The following STK39 variants were observed in gnomAD, a reference collection of about 807,000 sequenced individuals.
The protein encoded by STK39 is serine/threonine kinase 39, also known as STE20/SPS1-related proline-alanine-rich protein kinase.
A neutral mutation model predicts 77.8 loss-of-function variants in STK39; 20 were observed. The ratio of observed to expected loss-of-function variants is 0.26; its 90% CI spans 0.18 to 0.37. STK39 has a LOEUF of 0.37. STK39 is among the 10% of genes least tolerant of loss of function. The pLI is 1.00. For missense variants in STK39, 479 were observed against 656.5 expected (o/e 0.73, Z 2.95); for synonymous variants, 246 against 234.1 (o/e 1.05, Z -0.47).
intron 1 of STK39, among the ~76,000 whole-genome samples, chr2:168,207,630 CA>C (rs1394848467): frequency 6.6e-6 from 1 of 151,794 alleles, no homozygotes; most frequent in Non-Finnish European, 1.5e-5. Context: ...TGGTGAAATA[CA>C]AAAAAAATTT....
intron 16 of STK39, among the ~76,000 whole-genome samples, chr2:168,007,494 G>C (rs1684160790): frequency 6.6e-6 from 1 of 152,106 alleles, no homozygotes; most frequent in African/African-American, 2.4e-5. Context: ...TGCTCAAGGG[G>C]AAGTCCTATA....
At chr2:168,052,080 G>A (rs1298460597) in intron 14 of STK39, among the ~76,000 whole-genome samples, 6 of 151,686 alleles carry the variant, frequency 4.0e-5, no homozygotes, top group African/African-American at 9.7e-5. Flanking sequence ...AAATGTGAAC[G>A]ATGAGAGTTT....
intron 1 of STK39, among the ~76,000 whole-genome samples, chr2:168,217,438 GAAAAATC>G (rs1690053327): frequency 6.6e-6 from 1 of 151,936 alleles, no homozygotes. Flanking sequence ...TATAGATCTG[GAAAAATC>G]AAAGAATCAT....
At chr2:168,143,610 A>G (rs534953474) in intron 5 of STK39, among the ~76,000 whole-genome samples, 1 of 152,126 alleles carries the variant, frequency 6.6e-6, no homozygotes, top group South Asian at 2.1e-4. Flanking sequence ...GCAACTCTGG[A>G]GGCTGAGGCG....
chr2:168,191,509 T>A (rs1689339556), intron 1 of STK39, among the ~76,000 whole-genome samples: 1 of 152,162 alleles, frequency 6.6e-6, no homozygotes, highest in South Asian at 2.1e-4. Flanking sequence ...AGGAAGAGGA[T>A]AACTACACAT....
At chr2:168,138,043 A>G in intron 8 of STK39, 45 bp downstream of exon 8, 1 of 1,584,760 alleles carries the variant, frequency 6.3e-7, no homozygotes, top group East Asian at 2.3e-5. Context: ...AAGCTTTGTC[A>G]TGGCTCAAAC....
intron 1 of STK39, among the ~76,000 whole-genome samples, chr2:168,184,363 T>G (rs952210153): frequency 6.6e-6 from 1 of 152,212 alleles, no homozygotes; most frequent in Non-Finnish European, 1.5e-5. Context: ...TAGACAGAAT[T>G]ATGAAGCTTT....
chr2:168,138,271 C>A (rs769772862), intron 7 of STK39, 50 bp from the exon 8 acceptor site: 5 of 1,565,828 alleles, frequency 3.2e-6, no homozygotes, highest in Non-Finnish European at 4.3e-6. Flanking sequence ...GCAATTGCTA[C>A]AATCTAGTTT....
intron 2 of STK39, among the ~76,000 whole-genome samples, chr2:168,174,832 TAAAA>T (rs397869438): frequency 8.9e-6 from 1 of 112,692 alleles, no homozygotes; most frequent in Non-Finnish European, 1.9e-5. Context: ...CTTCATCTCT[TAAAA>T]AAAAAAAAAA....
intron 15 of STK39, among the ~76,000 whole-genome samples, chr2:168,016,387 C>CAAAAAAAAAAAAAA (rs869084308): frequency 2.0e-4 from 13 of 65,686 alleles, no homozygotes; most frequent in African/African-American, 6.7e-4. Flanking sequence ...GGCCTTTGTT[C>CAAAAAAAAAAAAAA]AAAAAAAAAA....
intron 15 of STK39, 25 bp from the exon 16 acceptor site, chr2:168,012,727 T>C: frequency 6.3e-7 from 1 of 1,595,346 alleles, no homozygotes; most frequent in Non-Finnish European, 8.6e-7. Flanking sequence ...AATGAATATG[T>C]ATTAGTAACC....
intron 1 of STK39, among the ~76,000 whole-genome samples, chr2:168,228,357 A>T (rs1690361022): frequency 1.3e-5 from 2 of 152,172 alleles, no homozygotes; most frequent in Admixed American, 6.5e-5. Flanking sequence ...GTTCTATGCC[A>T]TGTAAATATA....
chr2:168,155,182 G>A (rs1014747274), intron 5 of STK39, among the ~76,000 whole-genome samples: 22 of 152,136 alleles, frequency 1.4e-4, no homozygotes, highest in African/African-American at 5.3e-4. Flanking sequence ...GTAGAGCAAA[G>A]TGGTTCTCCT....
intron 16 of STK39, among the ~76,000 whole-genome samples, chr2:167,970,234 A>G (rs1692293727): frequency 6.6e-6 from 1 of 152,172 alleles, no homozygotes; most frequent in Non-Finnish European, 1.5e-5. Flanking sequence ...ATATATTTAT[A>G]CATTATTTCT....
At chr2:168,101,001 T>C (rs1326091785) in intron 10 of STK39, among the ~76,000 whole-genome samples, 3 of 152,180 alleles carry the variant, frequency 2.0e-5, no homozygotes, top group Non-Finnish European at 2.9e-5. Context: ...ATGTGGCACA[T>C]ATACACCATG....
intron 14 of STK39, 139 bp downstream of exon 14, chr2:168,063,361 C>T: frequency 1.4e-6 from 1 of 703,020 alleles, no homozygotes. Context: ...CCTGGGAATA[C>T]AGCATACACT....
intron 14 of STK39, among the ~76,000 whole-genome samples, chr2:168,059,822 A>G (rs1239389320): frequency 6.6e-6 from 1 of 152,174 alleles, no homozygotes; most frequent in Non-Finnish European, 1.5e-5. Context: ...TCCTCCTCAC[A>G]TACCTTTTCC....
intron 1 of STK39, among the ~76,000 whole-genome samples, chr2:168,207,795 A>C (rs1026764502): frequency 2.0e-5 from 3 of 152,200 alleles, no homozygotes; most frequent in Non-Finnish European, 2.9e-5. Flanking sequence ...CTCGTGTTAC[A>C]GATAAGGACA....
intron 1 of STK39, among the ~76,000 whole-genome samples, chr2:168,244,506 G>A (rs904318882): frequency 3.3e-5 from 5 of 152,204 alleles, no homozygotes; most frequent in African/African-American, 4.8e-5. Context: ...GCCGTATGGC[G>A]GGTAGAAGCA....
Sources: allele counts gnomAD v4.1 joint callset (sites outside exome capture counted in the v4.1 genomes callset), GRCh38; gene constraint gnomAD v4.1.1; transcripts MANE v1.5; gene names NCBI Gene and HGNC (gene_info 2026-07-23, HGNC 2026-07-21).